AIMP2: variants seen among roughly 807,000 people sequenced by gnomAD.
The protein encoded by AIMP2 is aminoacyl tRNA synthase complex-interacting multifunctional protein 2.
A neutral mutation model predicts 23.4 loss-of-function variants in AIMP2; 20 were observed. That is an observed-to-expected ratio of 0.85 (90% CI 0.60 to 1.24). AIMP2 has a LOEUF of 1.24. AIMP2 is among the 50% of genes most tolerant of loss of function. AIMP2 has a pLI of 0.00. For synonymous variants in AIMP2, 210 were observed against 170.4 expected (o/e 1.23, Z -1.81); for missense variants, 515 against 414.5 (o/e 1.24, Z -2.10).
Position 6,017,802 on chromosome 7 carries a change from G to C in AIMP2, c.343-12G>C, listed in dbSNP as rs1305651359. The C allele has an allele frequency of 6.2e-7, 1 of 1,609,694 alleles. No individual in the cohort carries two copies. ...TGACTGTTATTCGTACATTGTCTTGGTCTTTCCCCAGGATTACGGGGCGCT... is the reference window on the plus strand; with the variant it reads ...TGACTGTTATTCGTACATTGTCTTGCTCTTTCCCCAGGATTACGGGGCGCT... On this transcript the variant is annotated splice_polypyrimidine_tract_variant and intron_variant, in intron 2 of 3. Coordinates refer to ENST00000223029, the MANE Select transcript of AIMP2 (RefSeq NM_006303.4).
intron 2 of AIMP2, among the ~76,000 whole-genome samples, chr7:6,016,698 A>G (rs554106546): frequency 3.4e-4 from 52 of 152,284 alleles, no homozygotes; most frequent in Non-Finnish European, 6.5e-4. Flanking sequence ...GTCAAGTAAT[A>G]CAATATGTTC....
chr7:6,014,283 T>C (rs1203697774), intron 1 of AIMP2, among the ~76,000 whole-genome samples: 3 of 115,144 alleles, frequency 2.6e-5, no homozygotes, highest in Non-Finnish European at 5.1e-5. Context: ...TTTGAGACGG[T>C]GTCTTGCTCT....
chr7:6,015,232 T>C lies in AIMP2; in HGVS notation c.222T>C (p.Asp74=). The change falls in exon 2 of 4, where the codon GAT becomes GAC. Residue 74 remains aspartate, a synonymous_variant. Coordinates refer to ENST00000223029, the MANE Select transcript of AIMP2 (RefSeq NM_006303.4). ...KRLYELKAAV[D]GLSKMIQTPD... is the part of the protein sequence containing the mutation. ...TGTATGAGTTGAAAGCTGCAGTTGA[T>C]GGCCTCTCCAAGATGATTCAAACAC... The C allele has an allele frequency of 6.2e-7, 1 of 1,614,180 alleles. No homozygotes were observed. Among genetic ancestry groups the C allele is most frequent in the Non-Finnish European group, 8.5e-7 (1 of 1,180,032 alleles).
chr7:6,023,739 T>A lies in AIMP2; in HGVS notation c.*48T>A. ...GGTTTAGATTTTAAGAATGGTGCTC[T>A]TTCATGCCTATTATCAGTAAGGGGA... On this transcript the variant is annotated 3_prime_UTR_variant, in exon 4 of 4. Transcript: ENST00000223029. The A allele has an allele frequency of 6.2e-7, 1 of 1,613,766 alleles. No homozygotes were observed. Among genetic ancestry groups the A allele is most frequent in the Non-Finnish European group, 8.5e-7 (1 of 1,179,868 alleles).
intron 3 of AIMP2, among the ~76,000 whole-genome samples, chr7:6,019,603 A>G (rs1162729353): frequency 6.6e-6 from 1 of 152,118 alleles, no homozygotes; most frequent in Non-Finnish European, 1.5e-5. Context: ...TGATACTGAA[A>G]ATGTTCCCAA....
chr7:6,023,288 G>T lies in AIMP2; in HGVS notation c.575-15G>T, dbSNP rs771202070. 1 of 1,575,624 alleles carries T rather than the reference G, an allele frequency of 6.3e-7. No individual in the cohort carries two copies. Among genetic ancestry groups the T allele is most frequent in the Non-Finnish European group, 8.6e-7 (1 of 1,164,848 alleles). ...CTGCTCTGGTGATGCTACCTGGCGT[G>T]TTTTTTCTTTTCAGTGCCGAAGACG... is the stretch of plus-strand genomic sequence containing the variant. On this transcript the variant is annotated splice_polypyrimidine_tract_variant and intron_variant, in intron 3 of 3. Coordinates refer to ENST00000223029, the MANE Select transcript of AIMP2 (RefSeq NM_006303.4).
Position 6,015,361 on chromosome 7 carries a change from G to A in AIMP2, c.342+9G>A, listed in dbSNP as rs529247469. The A allele has an allele frequency of 1.2e-5, 19 of 1,613,732 alleles. No individual in the cohort carries two copies. Among genetic ancestry groups the A allele is most frequent in the East Asian group, 2.2e-5 (1 of 44,872 alleles). On this transcript the variant is annotated intron_variant, in intron 2 of 3. Transcript: ENST00000223029. ...ATTCAGTGCTTGGGAAGGTAGGTTCGTTTTGAAAGCTGAAACGTTAGTAGG... is the reference window on the plus strand; with the variant it reads ...ATTCAGTGCTTGGGAAGGTAGGTTCATTTTGAAAGCTGAAACGTTAGTAGG...
chr7:6,012,992 T>C (rs1473438090), intron 1 of AIMP2: 7 of 970,702 alleles, frequency 7.2e-6, no homozygotes, highest in Middle Eastern at 5.2e-4. Context: ...CGAAGGTAAA[T>C]AGGAGTTAAG....
At chr7:6,018,957 G>T (rs1047400305) in intron 3 of AIMP2, among the ~76,000 whole-genome samples, 2 of 111,454 alleles carry the variant, frequency 1.8e-5, no homozygotes, top group African/African-American at 7.3e-5. Context: ...AAGTTAAAAT[G>T]TATCAAACCT....
intron 3 of AIMP2, among the ~76,000 whole-genome samples, chr7:6,020,499 T>G (rs891284085): frequency 1.3e-5 from 2 of 152,164 alleles, no homozygotes; most frequent in Admixed American, 6.5e-5. Context: ...TCTCATAAGA[T>G]TTTAGAAAAA....
At position 6,009,287 on chromosome 7, in the gene AIMP2, G is replaced by T. The variant is rs1260915924; in HGVS notation, c.-77G>T. The T allele has an allele frequency of 1.4e-5, 23 of 1,607,324 alleles. No individual in the cohort carries two copies. The highest frequency in any genetic ancestry group is 1.9e-5 in the Non-Finnish European group (22 of 1,177,262). On this transcript the variant is annotated 5_prime_UTR_variant, in exon 1 of 4. Transcript: ENST00000223029. ...CAGCAGGGTCAGAAGGGAGGTGGCC[G>T]GTCTCCGTCGTGACCTCTGACGGTT... is the stretch of plus-strand genomic sequence containing the variant.
chr7:6,019,803 C>G (rs931660662), intron 3 of AIMP2, among the ~76,000 whole-genome samples: 1 of 152,068 alleles, frequency 6.6e-6, no homozygotes, highest in Non-Finnish European at 1.5e-5. Flanking sequence ...GAGGGCAGAT[C>G]ACGAGGTTAA....
chr7:6,012,388 C>A (rs1408046697), intron 1 of AIMP2, among the ~76,000 whole-genome samples: 2 of 152,136 alleles, frequency 1.3e-5, no homozygotes, highest in African/African-American at 4.8e-5. Flanking sequence ...AGTCTAGTCT[C>A]AGCAAGGAAA....
chr7:6,018,022 G>A lies in AIMP2; in HGVS notation c.551G>A (p.Gly184Glu), dbSNP rs779079471. The A allele has an allele frequency of 1.6e-5, 26 of 1,613,740 alleles. No homozygotes were observed. Among genetic ancestry groups the A allele is most frequent in the Non-Finnish European group, 1.9e-5 (22 of 1,179,928 alleles). The change falls in exon 3 of 4, where the codon GGA (glycine) becomes GAA (glutamate). Residue 184 changes from glycine to glutamate, a missense_variant. Transcript: ENST00000223029. ...CAGCCCCGCCAAGACTATCAGCTGG[G>A]ATTCACTTTAATTTGGAAGAATGGT... The part of the protein sequence containing the change: ...KKQPRQDYQL[G>E]FTLIWKNVPK...
chr7:6,020,190 G>T (rs1230272322), intron 3 of AIMP2, among the ~76,000 whole-genome samples: 1 of 152,024 alleles, frequency 6.6e-6, no homozygotes, highest in Non-Finnish European at 1.5e-5. Flanking sequence ...GGAGGCTGAG[G>T]TGGGTGGATC....
chr7:6,023,465 A>C lies in AIMP2; in HGVS notation c.737A>C (p.Glu246Ala). The C allele has an allele frequency of 1.9e-6, 3 of 1,614,234 alleles. No homozygotes were observed. Among genetic ancestry groups the C allele is most frequent in the Non-Finnish European group, 2.5e-6 (3 of 1,180,038 alleles). The change falls in exon 4 of 4, where the codon GAG becomes GCG. Residue 246 changes from glutamate (E) to alanine (A), a missense_variant. Transcript: ENST00000223029. ...GATATTGCGATTTTTCAGTTAAAAG[A>C]GGGAAGCAGTAAAGAAAAAGCCGCT... ...WVDIAIFQLK[E>A]GSSKEKAAVF...
rs773350468 is a variant in AIMP2, at chr7:6,023,570, T to C, written c.842T>C (p.Leu281Pro). Residue 281 changes from leucine (L) to proline (P), a missense_variant, in exon 4 of 4, where the codon CTG becomes CCG. By Grantham distance (98) the Leu-to-Pro change is moderately conservative. Transcript: ENST00000223029. ...GNELTVADVV[L>P]WSVLQQIGGC... Reference sequence around the variant, plus strand: ...GAACTCACCGTAGCAGACGTGGTGCTGTGGTCTGTACTCCAGCAGATCGGA... The same window carrying C: ...GAACTCACCGTAGCAGACGTGGTGCCGTGGTCTGTACTCCAGCAGATCGGA... The C allele has an allele frequency of 2.5e-6, 4 of 1,614,244 alleles. No individual in the cohort carries two copies. The highest frequency in any genetic ancestry group is 1.3e-5 in the African/African-American group (1 of 75,064).
At chr7:6,023,056 G>A (rs1261928270) in intron 3 of AIMP2, 7 of 457,560 alleles carry the variant, frequency 1.5e-5, no homozygotes, top group Non-Finnish European at 2.3e-5. Flanking sequence ...GTCCCTTCTA[G>A]CTTCAGAAGT....
At chr7:6,014,967 A>T in intron 1 of AIMP2, 179 bp from the exon 2 acceptor site, 4 of 1,377,090 alleles carry the variant, frequency 2.9e-6, no homozygotes, top group Non-Finnish European at 3.8e-6. Context: ...TGATCTGCCT[A>T]CCTGGACCTC....
Sources: allele counts gnomAD v4.1 joint callset (sites outside exome capture counted in the v4.1 genomes callset), GRCh38; gene constraint gnomAD v4.1.1; transcripts MANE v1.5; gene names NCBI Gene and HGNC (gene_info 2026-07-23, HGNC 2026-07-21).